The following MTNR1A variants were observed in gnomAD, a reference collection of about 807,000 sequenced individuals.
MTNR1A encodes melatonin receptor 1A.
In MTNR1A, 7 loss-of-function variants were observed where a neutral mutation model predicts 5.5. The ratio of observed to expected loss-of-function variants is 1.28; its 90% CI spans 0.73 to 2.40. MTNR1A has a LOEUF of 2.40. Ranked by LOEUF, MTNR1A falls within the 30% of genes most tolerant of loss-of-function variation. The pLI is 0.00. For synonymous variants in MTNR1A, 196 were observed against 202.7 expected (o/e 0.97, Z 0.28); for missense variants, 441 against 464.4 (o/e 0.95, Z 0.46).
rs747046359 is a variant in MTNR1A, at chr4:186,534,451, A to G, written c.291T>C (p.Tyr97=). The change falls in exon 2 of 2, where the codon TAT becomes TAC. Residue 97 remains tyrosine (Y), a synonymous_variant. Coordinates refer to ENST00000307161, the MANE Select transcript of MTNR1A (RefSeq NM_005958.4). ...GGAACCCACTGACTTGGCAGTGCAG[A>G]TAGCCCAGGTTCCACCCGTTGTTAA... ...SIFNNGWNLG[Y]LHCQVSGFLM... 1 of 1,614,176 alleles carries G rather than the reference A, an allele frequency of 6.2e-7. No individual in the cohort carries two copies. The highest frequency in any genetic ancestry group is 1.1e-5 in the South Asian group (1 of 91,086).
intron 1 of MTNR1A, among the ~76,000 whole-genome samples, chr4:186,550,110 C>T (rs1206282785): frequency 6.6e-6 from 1 of 152,182 alleles, no homozygotes; most frequent in East Asian, 1.9e-4. Flanking sequence ...CAGTTTATTT[C>T]TTATCTGCAG....
Position 186,533,803 on chromosome 4 carries a change from G to A in MTNR1A, c.939C>T (p.Leu313=). ...CCACAAAGAACACCCTGGCTGTACAGAGCGAGACTATAATTCTCCTGTATT... is the reference window on the plus strand; with the variant it reads ...CCACAAAGAACACCCTGGCTGTACAAAGCGAGACTATAATTCTCCTGTATT... ...RKEYRRIIVS[L]CTARVFFVDS... is the part of the protein sequence containing the mutation. The change falls in exon 2 of 2, where the codon CTC becomes CTT. Residue 313 remains leucine, a synonymous_variant. Transcript: ENST00000307161. 1 of 1,614,190 alleles carries A rather than the reference G, an allele frequency of 6.2e-7. No individual in the cohort carries two copies. The highest frequency in any genetic ancestry group is 8.5e-7 in the Non-Finnish European group (1 of 1,180,038).
intron 1 of MTNR1A, among the ~76,000 whole-genome samples, chr4:186,544,712 T>C (rs1462990473): frequency 6.6e-6 from 1 of 152,220 alleles, no homozygotes; most frequent in Non-Finnish European, 1.5e-5. Context: ...TGCGGACACT[T>C]TCTTTCCTTC....
intron 1 of MTNR1A, among the ~76,000 whole-genome samples, chr4:186,554,718 C>T (rs1024310474): frequency 3.3e-5 from 5 of 152,212 alleles, no homozygotes; most frequent in Non-Finnish European, 7.3e-5. Flanking sequence ...ACTGTAGGCT[C>T]GTAACTGCAG....
intron 1 of MTNR1A, among the ~76,000 whole-genome samples, chr4:186,541,394 C>T (rs1055902473): frequency 1.1e-4 from 16 of 152,030 alleles, no homozygotes; most frequent in African/African-American, 3.9e-4. Context: ...ACCAGGGGTC[C>T]CCAACCTGAT....
Position 186,555,324 on chromosome 4 carries a change from G to A in MTNR1A, c.42C>T (p.Pro14=). Reference sequence around the variant, plus strand: ...GCCGCGCGCCGTCCCCGCGGAGCACGGGCTGGGAGGCGTTGGGCAGCGCGC... The same window carrying A: ...GCCGCGCGCCGTCCCCGCGGAGCACAGGCTGGGAGGCGTTGGGCAGCGCGC... ...NGSALPNASQ[P]VLRGDGARPS... Residue 14 remains proline, a synonymous_variant, in exon 1 of 2, where the codon CCC becomes CCT. Transcript: ENST00000307161. The surrounding 1 kb of genome is among the most constrained non-coding windows in gnomAD (Gnocchi z 4.1). 1.3e-6 allele frequency: 2 copies of A among 1,545,454 alleles called. No homozygotes were observed. Among genetic ancestry groups the A allele is most frequent in the Non-Finnish European group, 1.7e-6 (2 of 1,145,068 alleles).
At position 186,541,126 on chromosome 4, in the gene MTNR1A, G is replaced by A. The variant is rs77998625; in HGVS notation, c.185-6569C>T. ...CATGAGGACGTGCCCCTGACCAGCT[G>A]AATAAGAAAGAAAAAAACCTTCTTG... On this transcript the variant is annotated intron_variant, in intron 1 of 1. Coordinates refer to ENST00000307161, the MANE Select transcript of MTNR1A (RefSeq NM_005958.4). Among the ~76,000 whole-genome samples, 634 of 152,230 alleles carry A rather than the reference G, an allele frequency of 4.2e-3. 8 individuals are homozygous for A. Among genetic ancestry groups the A allele is most frequent in the African/African-American group, 0.014 (595 of 41,536 alleles).
rs1412000391 is a variant in MTNR1A, at chr4:186,555,383, C to G, written c.-18G>C. The G allele has an allele frequency of 4.2e-5, 60 of 1,411,782 alleles. No individual in the cohort carries two copies. Among genetic ancestry groups the G allele is most frequent in the Non-Finnish European group, 5.2e-5 (56 of 1,080,388 alleles). The allele number at this position is 1,411,782 out of a possible 1,614,324, so 87.5% of individuals were successfully genotyped here. On this transcript the variant is annotated 5_prime_UTR_variant, in exon 1 of 2. Transcript: ENST00000307161. The surrounding 1 kb of genome is among the most constrained non-coding windows in gnomAD (Gnocchi z 4.1). ...CCCTGCATGGTCCCTGTGCGCGTCC[C>G]GGCCGCGGGGCCATCGCCCGCCTCG...
intron 1 of MTNR1A, among the ~76,000 whole-genome samples, chr4:186,537,821 C>A (rs1264848891): frequency 6.6e-6 from 1 of 152,176 alleles, no homozygotes; most frequent in East Asian, 1.9e-4. Context: ...CCTCTCCAGG[C>A]ACAATTCTGA....
intron 1 of MTNR1A, among the ~76,000 whole-genome samples, chr4:186,539,695 C>T (rs1736963176): frequency 1.3e-5 from 2 of 152,352 alleles, no homozygotes; most frequent in Admixed American, 1.3e-4. Flanking sequence ...CAGCAGCCCT[C>T]ACCAGACTCC....
chr4:186,541,810 C>T (rs1281106091), intron 1 of MTNR1A, among the ~76,000 whole-genome samples: 1 of 152,176 alleles, frequency 6.6e-6, no homozygotes, highest in African/African-American at 2.4e-5. Context: ...GAAAAATTGT[C>T]TTCCATGAAA....
rs1737269880 is a variant in MTNR1A at position 186,551,691 on chromosome 4, G to C, written c.184+3491C>G. Among the ~76,000 whole-genome samples the C allele has an allele frequency of 2.0e-5, 3 of 152,080 alleles. 1 individual carries two copies. The South Asian group carries it at 6.2e-4, about 31-fold the overall frequency. ...TCCTTCTAGTATCCCTGTAAGAAAA[G>C]TGGCATCTTAAACAGCCGTGGTACA... On this transcript the variant is annotated intron_variant, in intron 1 of 1. Transcript: ENST00000307161.
chr4:186,538,323 G>A (rs887566331), intron 1 of MTNR1A, among the ~76,000 whole-genome samples: 4 of 152,172 alleles, frequency 2.6e-5, no homozygotes, highest in Non-Finnish European at 4.4e-5. Flanking sequence ...TCCTTGCACC[G>A]CTCCGGGTTA....
chr4:186,548,650 T>C (rs1228585176), intron 1 of MTNR1A, among the ~76,000 whole-genome samples: 2 of 151,696 alleles, frequency 1.3e-5, no homozygotes, highest in Non-Finnish European at 2.9e-5. Context: ...CTGAGCAAAT[T>C]AGGTCACTTG....
Position 186,555,279 on chromosome 4 carries a change from G to A in MTNR1A, c.87C>T (p.Ala29=). 1.3e-6 allele frequency: 2 copies of A among 1,551,788 alleles called. No homozygotes were observed. Among genetic ancestry groups the A allele is most frequent in the Non-Finnish European group, 1.7e-6 (2 of 1,148,814 alleles). Residue 29 remains alanine (A), a synonymous_variant, in exon 1 of 2, where the codon GCC becomes GCT. Coordinates refer to ENST00000307161, the MANE Select transcript of MTNR1A (RefSeq NM_005958.4). This position sits in a 1 kb window ranked among gnomAD's most constrained non-coding sequence, Gnocchi z 4.1. ...TGGTGAAGATGAGGACGCAGGCCAG[G>A]GCGGACGCCAGCCACGAGGGCCGCG... is the stretch of plus-strand genomic sequence containing the variant. The part of the protein sequence containing the change: ...DGARPSWLAS[A]LACVLIFTIV...
Position 186,534,445 on chromosome 4 carries a change from G to A in MTNR1A, c.297C>T (p.His99=). The A allele has an allele frequency of 6.2e-7, 1 of 1,614,174 alleles. No homozygotes were observed. Among genetic ancestry groups the A allele is most frequent in the Non-Finnish European group, 8.5e-7 (1 of 1,180,042 alleles). ...CCATCAGGAACCCACTGACTTGGCA[G>A]TGCAGATAGCCCAGGTTCCACCCGT... ...FNNGWNLGYL[H]CQVSGFLMGL... is the part of the protein sequence containing the mutation. Residue 99 remains histidine (H), a synonymous_variant, in exon 2 of 2, where the codon CAC becomes CAT. Transcript: ENST00000307161.
intron 1 of MTNR1A, among the ~76,000 whole-genome samples, chr4:186,552,607 T>G (rs1299072407): frequency 6.6e-6 from 1 of 152,236 alleles, no homozygotes; most frequent in Non-Finnish European, 1.5e-5. Context: ...TTACGTGTTT[T>G]ATCCTTTTCA....
chr4:186,534,771 C>A (rs1197678767), intron 1 of MTNR1A, among the ~76,000 whole-genome samples: 1 of 152,116 alleles, frequency 6.6e-6, no homozygotes, highest in African/African-American at 2.4e-5. Flanking sequence ...CCCACCTCCC[C>A]AGAACAGGGC....
At chr4:186,540,829 CT>C (rs1737002810) in intron 1 of MTNR1A, among the ~76,000 whole-genome samples, 1 of 150,416 alleles carries the variant, frequency 6.6e-6, no homozygotes, top group African/African-American at 2.5e-5. Context: ...TGCTGTCTGA[CT>C]GAAGGACCAG....
Sources: gnomAD v4.1 joint callset for allele counts (sites outside exome capture counted in the v4.1 genomes callset) on GRCh38, gnomAD v4.1.1 for gene constraint, Gnocchi (gnomAD v3.1) non-coding constraint, MANE v1.5 for transcripts, NCBI Gene and HGNC (gene_info 2026-07-23, HGNC 2026-07-21) for gene names.